CDKL4: variants seen among roughly 807,000 people sequenced by gnomAD.
CDKL4 encodes cyclin dependent kinase like 4.
In CDKL4, 44 loss-of-function variants were observed where a neutral mutation model predicts 42.0. The ratio of observed to expected loss-of-function variants is 1.05; its 90% confidence interval spans 0.82 to 1.35. The LOEUF is 1.35. CDKL4 is among the 40% of genes most tolerant of loss of function. CDKL4 has a pLI of 0.00. For synonymous variants in CDKL4, 120 were observed against 121.6 expected, an observed-to-expected ratio of 0.99 and a Z score of 0.09; for missense variants, 393 against 369.9, an observed-to-expected ratio of 1.06 and a Z score of -0.51.
intron 3 of CDKL4, 68 bp downstream of exon 3, chr2:39,225,771 A>G (rs1409382308): frequency 1.4e-6 from 2 of 1,469,474 alleles, no homozygotes; most frequent in African/African-American, 1.4e-5. Context: ...GAAATTTGCC[A>G]TGGTTAATTC....
At chr2:39,178,708 G>A (rs1558541656) in intron 9 of CDKL4, 1 of 1,609,246 alleles carries the variant, frequency 6.2e-7, no homozygotes, top group Non-Finnish European at 8.5e-7. Context: ...CTTTGTACCT[G>A]GCAGATCTTG....
chr2:39,234,642 A>C (rs960917719), intron 1 of CDKL4, among the ~76,000 whole-genome samples: 6 of 152,228 alleles, frequency 3.9e-5, no homozygotes, highest in Non-Finnish European at 7.3e-5. Flanking sequence ...CTGACCCAGA[A>C]CAACGAACTC....
chr2:39,184,576 T>G lies in CDKL4; in HGVS notation c.792+15A>C. On this transcript the variant is annotated intron_variant, in intron 8 of 9. Coordinates refer to ENST00000451199, the Ensembl canonical transcript of CDKL4. ...AATTTATAGCTAATAAGAGTTATAA[T>G]TGATTCTTAAGTACCTTCATGAAGT... 6.3e-7 allele frequency: 1 copy of G among 1,593,674 alleles called. No individual in the cohort carries two copies. Among genetic ancestry groups the G allele is most frequent in the Non-Finnish European group, 8.6e-7 (1 of 1,163,274 alleles).
chr2:39,198,588 G>A (rs961778151), intron 5 of CDKL4, among the ~76,000 whole-genome samples: 1 of 151,694 alleles, frequency 6.6e-6, no homozygotes, highest in Non-Finnish European at 1.5e-5. Context: ...CCATATAATA[G>A]GCCACAAAAT....
chr2:39,223,761 G>T (rs182443755), intron 3 of CDKL4, among the ~76,000 whole-genome samples: 8 of 151,898 alleles, frequency 5.3e-5, no homozygotes, highest in Non-Finnish European at 8.8e-5. Context: ...AACAGGCTAG[G>T]TTAATTTTTG....
intron 3 of CDKL4, among the ~76,000 whole-genome samples, chr2:39,219,543 C>T (rs940674241): frequency 2.6e-5 from 4 of 152,074 alleles, no homozygotes; most frequent in Non-Finnish European, 4.4e-5. Context: ...GCCTTAGCCT[C>T]CTGAGTAGGT....
exon 9 of CDKL4, chr2:39,179,233 A>C: frequency 1.2e-6 from 2 of 1,613,560 alleles, no homozygotes; most frequent in Non-Finnish European, 1.7e-6. Flanking sequence ...TTTTCTTTTA[A>C]TTTGGGCCTC....
intron 2 of CDKL4, among the ~76,000 whole-genome samples, chr2:39,226,527 T>G (rs913647537): frequency 6.7e-6 from 1 of 148,226 alleles, no homozygotes; most frequent in Non-Finnish European, 1.5e-5. Flanking sequence ...TTGTTCTCTC[T>G]TATGCATAGA....
At chr2:39,220,447 A>G (rs1678234266) in intron 3 of CDKL4, among the ~76,000 whole-genome samples, 1 of 152,228 alleles carries the variant, frequency 6.6e-6, no homozygotes, top group South Asian at 2.1e-4. Context: ...CATAGCAAAA[A>G]GAACTACAAC....
At chr2:39,217,828 G>T (rs1458398922) in intron 3 of CDKL4, among the ~76,000 whole-genome samples, 1 of 152,038 alleles carries the variant, frequency 6.6e-6, no homozygotes, top group African/African-American at 2.4e-5. Context: ...CCGCCTCCTG[G>T]GTTCAAGCGA....
chr2:39,211,838 G>A (rs1484407935), intron 4 of CDKL4, among the ~76,000 whole-genome samples: 1 of 152,034 alleles, frequency 6.6e-6, no homozygotes, highest in Non-Finnish European at 1.5e-5. Context: ...TATCGAAAGT[G>A]GGACAAGTGG....
rs925380917 is a variant in CDKL4, at chr2:39,192,660, A to G, written c.455-2158T>C. 2.0e-5 allele frequency among the ~76,000 whole-genome samples: 3 copies of G among 151,208 alleles called. No homozygotes were observed. The Admixed American group carries it at 2.0e-4, about 10-fold the overall frequency. ...TTTTTTCATTGAATTCTATGCATTTATCATGTTATTATAAACTCTTCCTAA... is the reference window on the plus strand; with the variant it reads ...TTTTTTCATTGAATTCTATGCATTTGTCATGTTATTATAAACTCTTCCTAA... On this transcript the variant is annotated intron_variant, in intron 5 of 9. Transcript: ENST00000451199.
At chr2:39,219,404 C>CTTAT (rs35984945) in intron 3 of CDKL4, among the ~76,000 whole-genome samples, 98,456 of 148,376 alleles carry the variant, frequency 0.66, 35,025 homozygotes, top group Middle Eastern at 0.8. Flanking sequence ...GAAACAGGTA[C>CTTAT]TTATTTATTT....
chr2:39,243,736 G>C (rs569740345), intron 1 of CDKL4, among the ~76,000 whole-genome samples, 135 bp downstream of exon 1: 4 of 152,364 alleles, frequency 2.6e-5, no homozygotes, highest in African/African-American at 9.6e-5. Context: ...CGAAGCGGAA[G>C]GCGGTCCCGC....
chr2:39,227,979 A>T (rs1161523909), intron 2 of CDKL4, among the ~76,000 whole-genome samples: 2 of 152,188 alleles, frequency 1.3e-5, no homozygotes, highest in Non-Finnish European at 2.9e-5. Context: ...GCTGTTCAGG[A>T]CCTACATGGA....
At chr2:39,230,506 A>G (rs1679033906) in intron 1 of CDKL4, among the ~76,000 whole-genome samples, 1 of 152,236 alleles carries the variant, frequency 6.6e-6, no homozygotes, top group Admixed American at 6.5e-5. Context: ...AGTGATTTCT[A>G]TGGAAATACT....
At chr2:39,184,494 T>A (rs1675610529) in intron 8 of CDKL4, 97 bp downstream of exon 8, 2 of 724,416 alleles carry the variant, frequency 2.8e-6, no homozygotes, top group South Asian at 3.4e-5. Flanking sequence ...ACATCCTATT[T>A]TGGCATTATT....
intron 2 of CDKL4, among the ~76,000 whole-genome samples, chr2:39,228,388 G>T (rs1436949342): frequency 2.6e-5 from 4 of 152,118 alleles, no homozygotes; most frequent in Non-Finnish European, 5.9e-5. Flanking sequence ...TATTAGTTGA[G>T]GAAACCTGTG....
intron 6 of CDKL4, among the ~76,000 whole-genome samples, chr2:39,188,243 C>A (rs575781903): frequency 2.0e-5 from 3 of 152,174 alleles, no homozygotes; most frequent in Non-Finnish European, 4.4e-5. Context: ...GTCTCTTTGT[C>A]ACATGTGGTC....
Sources: allele counts gnomAD v4.1 joint callset (sites outside exome capture counted in the v4.1 genomes callset), GRCh38; gene constraint gnomAD v4.1.1; transcripts MANE v1.5; gene names NCBI Gene and HGNC (gene_info 2026-07-23, HGNC 2026-07-21).